The following CAMKMT variants were observed in gnomAD, a reference collection of about 807,000 sequenced individuals.
The protein encoded by CAMKMT is CaM KMT.
Under a neutral mutation model 48.0 loss-of-function variants are expected in CAMKMT, and 53 were observed. That is an observed-to-expected ratio of 1.10 (90% CI 0.89 to 1.39). CAMKMT has a LOEUF of 1.39. Among genes scored for constraint, CAMKMT ranks in the 40% most tolerant of loss-of-function variants. The pLI is 0.00. For missense variants in CAMKMT, 428 were observed against 402.7 expected (o/e 1.06, Z -0.54); for synonymous variants, 165 against 152.3 (o/e 1.08, Z -0.61).
chr2:44,552,832 A>G (rs1667796052), intron 3 of CAMKMT, among the ~76,000 whole-genome samples: 1 of 152,152 alleles, frequency 6.6e-6, no homozygotes, highest in Non-Finnish European at 1.5e-5. Flanking sequence ...TTATTTATTT[A>G]TTCAGCCTTA....
chr2:44,429,451 C>G (rs1684502110), intron 3 of CAMKMT, among the ~76,000 whole-genome samples: 2 of 152,080 alleles, frequency 1.3e-5, no homozygotes, highest in East Asian at 1.9e-4. Flanking sequence ...TTCCTGGTCT[C>G]TATGTTATCA....
At chr2:44,466,872 T>C (rs1411793431) in intron 3 of CAMKMT, among the ~76,000 whole-genome samples, 2 of 152,218 alleles carry the variant, frequency 1.3e-5, no homozygotes, top group East Asian at 1.9e-4. Flanking sequence ...GAGACTACTA[T>C]GAACAATTAC....
At chr2:44,700,387 T>G (rs1181512169) in intron 3 of CAMKMT, among the ~76,000 whole-genome samples, 1 of 152,252 alleles carries the variant, frequency 6.6e-6, no homozygotes, top group East Asian at 1.9e-4. Context: ...GTCTGTTTAG[T>G]GCAAGAGGCC....
chr2:44,752,076 G>A (rs1158690516), intron 8 of CAMKMT, among the ~76,000 whole-genome samples: 1 of 152,030 alleles, frequency 6.6e-6, no homozygotes, highest in African/African-American at 2.4e-5. Flanking sequence ...AAGATTTGGA[G>A]GGGAGAAACA....
chr2:44,655,899 A>G (rs1674352368), intron 3 of CAMKMT, among the ~76,000 whole-genome samples: 1 of 152,228 alleles, frequency 6.6e-6, no homozygotes, highest in Non-Finnish European at 1.5e-5. Context: ...TGTAGCAAAC[A>G]TCAGCCTCTT....
At chr2:44,387,934 C>T (rs554819412) in intron 2 of CAMKMT, among the ~76,000 whole-genome samples, 2 of 152,224 alleles carry the variant, frequency 1.3e-5, no homozygotes, top group South Asian at 2.1e-4. Flanking sequence ...TATAGGTTAC[C>T]TGGTGCTTTT....
chr2:44,706,399 C>T, intron 5 of CAMKMT, 58 bp downstream of exon 5: 3 of 1,548,680 alleles, frequency 1.9e-6, no homozygotes, highest in Middle Eastern at 1.8e-4. Context: ...GAAAAATGTT[C>T]CAGGGCCTCC....
chr2:44,382,575 T>A (rs1457666932), intron 2 of CAMKMT, among the ~76,000 whole-genome samples: 1 of 151,578 alleles, frequency 6.6e-6, no homozygotes, highest in Non-Finnish European at 1.5e-5. Context: ...GCCTCCCGGG[T>A]TCATGCCGAT....
intron 6 of CAMKMT, among the ~76,000 whole-genome samples, chr2:44,710,648 C>G (rs74497770): frequency 0.022 from 3,294 of 151,580 alleles, 126 homozygotes; most frequent in African/African-American, 0.075. Flanking sequence ...CCTTTAGTGT[C>G]AAGAAAGAAA....
chr2:44,559,949 A>G (rs570547172), intron 3 of CAMKMT, among the ~76,000 whole-genome samples: 5 of 152,312 alleles, frequency 3.3e-5, no homozygotes, highest in African/African-American at 7.2e-5. Flanking sequence ...ACTCATTTTT[A>G]TATTGACTTT....
intron 3 of CAMKMT, among the ~76,000 whole-genome samples, chr2:44,514,001 C>T (rs886698003): frequency 1.3e-5 from 2 of 151,196 alleles, no homozygotes; most frequent in Non-Finnish European, 2.9e-5. Flanking sequence ...ATTTGGGAGT[C>T]TGAGGTGGGA....
intron 3 of CAMKMT, among the ~76,000 whole-genome samples, chr2:44,626,150 A>G (rs530940578): frequency 1.3e-5 from 2 of 152,312 alleles, no homozygotes; most frequent in East Asian, 1.9e-4. Flanking sequence ...CTTTTGATCC[A>G]TAATAATGAT....
At chr2:44,576,740 T>G (rs1337150245) in intron 3 of CAMKMT, among the ~76,000 whole-genome samples, 4 of 152,158 alleles carry the variant, frequency 2.6e-5, no homozygotes. Context: ...AAAATAAAAG[T>G]AAGTGTGCTG....
chr2:44,592,942 T>C (rs1670395701), intron 3 of CAMKMT, among the ~76,000 whole-genome samples: 1 of 152,368 alleles, frequency 6.6e-6, no homozygotes, highest in Middle Eastern at 3.4e-3. Context: ...TTGGTAATGT[T>C]ATTCAAGCCT....
chr2:44,447,803 G>T (rs574221275), intron 3 of CAMKMT, among the ~76,000 whole-genome samples: 1 of 152,148 alleles, frequency 6.6e-6, no homozygotes, highest in Admixed American at 6.5e-5. Flanking sequence ...ATAATACTCC[G>T]CCCAAAAAAT....
At chr2:44,420,977 AC>A (rs1399280975) in intron 3 of CAMKMT, among the ~76,000 whole-genome samples, 1 of 152,152 alleles carries the variant, frequency 6.6e-6, no homozygotes, top group African/African-American at 2.4e-5. Flanking sequence ...ATCCTTATTT[AC>A]AAAGAAAATT....
intron 2 of CAMKMT, among the ~76,000 whole-genome samples, chr2:44,374,582 A>T (rs1679493442): frequency 6.6e-6 from 1 of 152,212 alleles, no homozygotes; most frequent in Non-Finnish European, 1.5e-5. Flanking sequence ...TGAGAATGTG[A>T]AATAGTCTCT....
At chr2:44,527,270 T>G (rs1166723502) in intron 3 of CAMKMT, among the ~76,000 whole-genome samples, 1 of 144,450 alleles carries the variant, frequency 6.9e-6, no homozygotes, top group African/African-American at 2.5e-5. Flanking sequence ...AATATATATA[T>G]GTTATATATA....
rs554082900 is a variant in CAMKMT, at chr2:44,757,571, T to TTA, written c.762+3454_762+3455insAT. 2.8e-4 allele frequency among the ~76,000 whole-genome samples: 42 copies of TTA among 151,802 alleles called. No homozygotes were observed. The South Asian group carries it at 8.6e-3, about 31-fold the overall frequency. On this transcript the variant is annotated intron_variant, in intron 9 of 10. Coordinates refer to ENST00000378494, the MANE Select transcript of CAMKMT (RefSeq NM_024766.5). ...GTAAATACAGACTATGGGGGCTTTT[T>TTA]TTTTTTTTTTGAGATGGAGTCTCGC...
Sources: allele counts gnomAD v4.1 joint callset (sites outside exome capture counted in the v4.1 genomes callset), GRCh38; gene constraint gnomAD v4.1.1; transcripts MANE v1.5; gene names NCBI Gene and HGNC (gene_info 2026-07-23, HGNC 2026-07-21).